SAMHD1: variants seen among roughly 807,000 people sequenced by gnomAD.
SAMHD1 encodes SAM and HD domain containing deoxynucleoside triphosphate triphosphohydrolase 1, also known as deoxynucleoside triphosphate triphosphohydrolase SAMHD1.
SAMHD1 carries 54 observed loss-of-function variants against 79.6 expected under a neutral mutation model. The observed-to-expected ratio is 0.68, with a 90% CI of 0.55 to 0.85. The LOEUF (loss-of-function observed/expected upper bound fraction) is 0.85. Ranked by LOEUF, SAMHD1 falls within the 40% of genes least tolerant of loss-of-function variation. SAMHD1 has a pLI of 0.00. For synonymous variants in SAMHD1, 260 were observed against 264.1 expected (o/e 0.98, Z 0.15); for missense variants, 663 against 782.7 (o/e 0.85, Z 1.82).
intron 2 of SAMHD1, chr20:36,946,378 A>T (rs1272794966): frequency 1.4e-5 from 3 of 214,742 alleles, no homozygotes; most frequent in African/African-American, 7.3e-5. Flanking sequence ...ACGCCACTGC[A>T]CTCCAGCCTG....
chr20:36,920,606 T>C (rs980833677), intron 6 of SAMHD1, among the ~76,000 whole-genome samples: 1 of 151,582 alleles, frequency 6.6e-6, no homozygotes, highest in African/African-American at 2.4e-5. Flanking sequence ...TACTAAAAAA[T>C]ACAAAAATTA....
At chr20:36,942,805 C>T (rs2063656082) in intron 2 of SAMHD1, among the ~76,000 whole-genome samples, 1 of 151,972 alleles carries the variant, frequency 6.6e-6, no homozygotes, top group South Asian at 2.1e-4. Context: ...CGCCACCATG[C>T]CCAGCTAATT....
intron 6 of SAMHD1, among the ~76,000 whole-genome samples, chr20:36,926,125 C>T (rs6130119): frequency 0.52 from 78,329 of 151,664 alleles, 22,193 homozygotes; most frequent in African/African-American, 0.76. Flanking sequence ...AAATCTTGTA[C>T]GATAATATGC....
At chr20:36,895,332 C>T (rs769661868) in intron 15 of SAMHD1, among the ~76,000 whole-genome samples, 3 of 151,964 alleles carry the variant, frequency 2.0e-5, no homozygotes, top group Admixed American at 6.6e-5. Flanking sequence ...CTCACTCAAC[C>T]TTCAGGTCTC....
At chr20:36,909,435 G>A (rs1283150964) in intron 11 of SAMHD1, among the ~76,000 whole-genome samples, 2 of 151,826 alleles carry the variant, frequency 1.3e-5, no homozygotes, top group Admixed American at 1.3e-4. Context: ...TTGGGAGGCC[G>A]AGGCAGATGG....
intron 6 of SAMHD1, among the ~76,000 whole-genome samples, chr20:36,926,334 G>A (rs913235919): frequency 6.6e-6 from 1 of 152,250 alleles, no homozygotes; most frequent in Admixed American, 6.5e-5. Context: ...GCATAAAATA[G>A]GACCTCCTAT....
chr20:36,951,650 A>G lies in SAMHD1; in HGVS notation c.-7T>C. On this transcript the variant is annotated 5_prime_UTR_variant, in exon 1 of 16. Transcript: ENST00000646673. ...CGGAATCGGCTCGCTGCATGGCTACACCTGGCGTCCGGCACAGCAGTCAAG... is the reference window on the plus strand; with the variant it reads ...CGGAATCGGCTCGCTGCATGGCTACGCCTGGCGTCCGGCACAGCAGTCAAG... 6.2e-7 allele frequency: 1 copy of G among 1,612,726 alleles called. No individual in the cohort carries two copies. The highest frequency in any genetic ancestry group is 1.1e-5 in the South Asian group (1 of 91,024).
intron 9 of SAMHD1, 48 bp from the exon 10 acceptor site, chr20:36,912,600 C>T (rs749868065): frequency 7.6e-6 from 10 of 1,319,566 alleles, no homozygotes; most frequent in East Asian, 2.3e-5. Context: ...ATTATGTTAA[C>T]GTTATTAGAG....
At chr20:36,905,260 C>T in intron 12 of SAMHD1, 104 bp downstream of exon 12, 4 of 1,264,002 alleles carry the variant, frequency 3.2e-6, no homozygotes, top group Middle Eastern at 1.9e-4. Context: ...TGAGAATAAA[C>T]GTAAAGCACT....
At chr20:36,910,663 G>A (rs1163977165) in intron 11 of SAMHD1, among the ~76,000 whole-genome samples, 1 of 151,140 alleles carries the variant, frequency 6.6e-6, no homozygotes, top group Non-Finnish European at 1.5e-5. Context: ...CCAAGAGGTG[G>A]AGGTTGCAGT....
At chr20:36,931,569 A>G (rs183941869) in intron 4 of SAMHD1, among the ~76,000 whole-genome samples, 46 of 152,074 alleles carry the variant, frequency 3.0e-4, no homozygotes, top group African/African-American at 1.1e-3. Context: ...CCCAAGAGGT[A>G]CAGGTTGCAG....
chr20:36,908,371 G>A (rs1363486749), intron 11 of SAMHD1, among the ~76,000 whole-genome samples: 1 of 151,942 alleles, frequency 6.6e-6, no homozygotes, highest in Non-Finnish European at 1.5e-5. Flanking sequence ...AGCATCCTGA[G>A]TAGCTGGGAC....
At chr20:36,932,143 G>T (rs937018896) in intron 4 of SAMHD1, among the ~76,000 whole-genome samples, 1 of 151,930 alleles carries the variant, frequency 6.6e-6, no homozygotes, top group African/African-American at 2.4e-5. Flanking sequence ...GCTGGGCGTG[G>T]TGGCAGGTGC....
intron 1 of SAMHD1, 52 bp downstream of exon 1, chr20:36,951,384 C>G: frequency 6.2e-7 from 1 of 1,607,740 alleles, no homozygotes; most frequent in South Asian, 1.1e-5. Flanking sequence ...GGGCGCCTGG[C>G]CCGCGCCCCA....
rs373731440 is a variant in SAMHD1, at chr20:36,898,439, C to G, written c.1608+1G>C. The G allele has an allele frequency of 6.2e-7, 1 of 1,607,022 alleles. No individual in the cohort carries two copies. Among genetic ancestry groups the G allele is most frequent in the Non-Finnish European group, 8.5e-7 (1 of 1,173,674 alleles). ...TATATTTGTTTTGCCTAAGTAGTTACCTGGTTTTTAGTAATCCTGATTGCT... is the reference window on the plus strand; with the variant it reads ...TATATTTGTTTTGCCTAAGTAGTTAGCTGGTTTTTAGTAATCCTGATTGCT... On this transcript the variant is annotated splice_donor_variant, in intron 14 of 15. Transcript: ENST00000646673. LOFTEE classifies it high-confidence loss of function.
At chr20:36,920,532 C>T (rs182218677) in intron 6 of SAMHD1, among the ~76,000 whole-genome samples, 10 of 151,078 alleles carry the variant, frequency 6.6e-5, no homozygotes, top group South Asian at 6.3e-4. Flanking sequence ...TTTGGGAGGC[C>T]GAGGTGGGCG....
intron 7 of SAMHD1, among the ~76,000 whole-genome samples, chr20:36,917,439 G>A (rs2063482624): frequency 6.6e-6 from 1 of 152,130 alleles, no homozygotes. Flanking sequence ...GGATCACGAG[G>A]TCTGGAGTTT....
chr20:36,936,581 C>T (rs1281698009), intron 3 of SAMHD1, among the ~76,000 whole-genome samples: 1 of 152,044 alleles, frequency 6.6e-6, no homozygotes, highest in African/African-American at 2.4e-5. Context: ...GCTGGAATTA[C>T]AGGCATGAGC....
chr20:36,918,984 A>G (rs963989094), intron 7 of SAMHD1, among the ~76,000 whole-genome samples: 3 of 151,502 alleles, frequency 2.0e-5, no homozygotes, highest in African/African-American at 7.3e-5. Flanking sequence ...AAAAATACAA[A>G]AATTAGCTGG....
Sources: gnomAD v4.1 joint callset for allele counts (sites outside exome capture counted in the v4.1 genomes callset) on GRCh38, gnomAD v4.1.1 for gene constraint, MANE v1.5 for transcripts, NCBI Gene and HGNC (gene_info 2026-07-23, HGNC 2026-07-21) for gene names.